SMC1B: variants seen among roughly 807,000 people sequenced by gnomAD.
SMC1B encodes the protein structural maintenance of chromosomes 1B, also known as structural maintenance of chromosomes protein 1B.
In SMC1B, 60 loss-of-function variants were observed where a neutral mutation model predicts 157.9. The ratio of observed to expected loss-of-function variants is 0.38; its 90% confidence interval spans 0.31 to 0.47. The LOEUF (loss-of-function observed/expected upper bound fraction) is 0.47. Ranked by LOEUF, SMC1B falls within the 20% of genes least tolerant of loss-of-function variation. The pLI is 0.99. For synonymous variants in SMC1B, 445 were observed against 483.0 expected (o/e 0.92, Z 1.03); for missense variants, 1,165 against 1,426.2 (o/e 0.82, Z 2.95).
intron 19 of SMC1B, among the ~76,000 whole-genome samples, chr22:45,357,833 G>A (rs1370515624): frequency 6.6e-6 from 1 of 152,198 alleles, no homozygotes; most frequent in East Asian, 1.9e-4. Flanking sequence ...GTAGGAGTGA[G>A]AGGGGCATCT....
intron 15 of SMC1B, among the ~76,000 whole-genome samples, chr22:45,367,226 G>A (rs1462060874): frequency 2.0e-5 from 3 of 152,076 alleles, no homozygotes; most frequent in Admixed American, 6.6e-5. Context: ...TGTCTGGCTT[G>A]TTTTTGTTTT....
At position 45,370,006 on chromosome 22, in the gene SMC1B, G is replaced by T; in HGVS notation, c.2368C>A (p.Arg790Ser). 1 of 1,595,730 alleles carries T rather than the reference G, an allele frequency of 6.3e-7. No homozygotes were observed. The highest frequency in any genetic ancestry group is 8.5e-7 in the Non-Finnish European group (1 of 1,171,188). The change falls in exon 15 of 25, where the codon CGT (arginine) becomes AGT (serine). Residue 790 changes from arginine to serine, a missense_variant. By Grantham distance (110) the Arg-to-Ser change is moderately radical. Coordinates refer to ENST00000357450, the MANE Select transcript of SMC1B (RefSeq NM_148674.5). ...FCEEIGVENI[R>S]EFENKHVKRQ... ...TTAACATGTTTGTTCTCAAATTCAC[G>T]AATATTTTCCACGCCAATTTCTTCA...
chr22:45,390,718 A>T (rs79740135), intron 9 of SMC1B, among the ~76,000 whole-genome samples: 1 of 151,832 alleles, frequency 6.6e-6, no homozygotes, highest in East Asian at 1.9e-4. Context: ...AAAAAAAAAA[A>T]AAGTCTAGGA....
In SMC1B at chr22:45,362,447, A is replaced by G. The variant is rs1190406409; in HGVS notation, c.2562+438T>C. ...GCTGCTCCACTGCTCTTCACTGCCT[A>G]CCTCCCTGCTAGGGAGTCTCAACCA... On this transcript the variant is annotated intron_variant, in intron 16 of 24. Coordinates refer to ENST00000357450, the MANE Select transcript of SMC1B (RefSeq NM_148674.5). 2.6e-5 allele frequency among the ~76,000 whole-genome samples: 4 copies of G among 151,908 alleles called. No homozygotes were observed. In the East Asian group the frequency reaches 7.7e-4, roughly 29 times the overall value.
At chr22:45,384,359 A>G (rs1386378126) in intron 11 of SMC1B, among the ~76,000 whole-genome samples, 2 of 152,140 alleles carry the variant, frequency 1.3e-5, no homozygotes, top group Admixed American at 6.5e-5. Flanking sequence ...ACTCTTTATT[A>G]GGTGAATTCA....
At position 45,371,578 on chromosome 22, in the gene SMC1B, G is replaced by T. The variant is rs1269742904; in HGVS notation, c.2206C>A (p.Gln736Lys). 4 of 1,583,926 alleles carry T rather than the reference G, an allele frequency of 2.5e-6. No homozygotes were observed. The highest frequency in any genetic ancestry group is 3.4e-6 in the Non-Finnish European group (4 of 1,169,578). ...HLVAFYQEQSQLQSELLNIES... is the reference protein window; with the variant it reads ...HLVAFYQEQSKLQSELLNIES... ...ATATTTAGTAGTTCACTTTGTAACT[G>T]AGATTGTTCCTAATAACAAAAGAGA... Residue 736 changes from glutamine (Q) to lysine (K), a missense_variant, in exon 14 of 25, where the codon CAG (glutamine) becomes AAG (lysine). By Grantham distance (53) the Gln-to-Lys change is moderately conservative. Coordinates refer to ENST00000357450, the MANE Select transcript of SMC1B (RefSeq NM_148674.5).
intron 12 of SMC1B, among the ~76,000 whole-genome samples, chr22:45,379,896 C>A (rs2086919635): frequency 6.6e-6 from 1 of 151,728 alleles, no homozygotes; most frequent in Non-Finnish European, 1.5e-5. Context: ...CCACGCCCAG[C>A]TAATTTTTGT....
intron 4 of SMC1B, among the ~76,000 whole-genome samples, chr22:45,405,649 G>C (rs534352075): frequency 6.6e-6 from 1 of 152,258 alleles, no homozygotes; most frequent in East Asian, 1.9e-4. Flanking sequence ...TACAACTGAA[G>C]ATAAGGTACT....
At position 45,344,245 on chromosome 22, in the gene SMC1B, A is replaced by C. The variant is rs3747239; in HGVS notation, c.*311T>G. ...CAAGATCAGAGTGAAGATGAAGCTG[A>C]ATTCAAAATTTTTCCAACCAAACTA... On this transcript the variant is annotated 3_prime_UTR_variant, in exon 25 of 25. Coordinates refer to ENST00000357450, the MANE Select transcript of SMC1B (RefSeq NM_148674.5). 0.46 allele frequency: 81,301 copies of C among 176,420 alleles called. 22,317 individuals carry two copies. The highest frequency in any genetic ancestry group is 0.8 in the African/African-American group (34,057 of 42,548). The allele number at this position is 176,420 out of a possible 1,614,324, so 10.9% of individuals were successfully genotyped here. A position where few individuals can be genotyped will look rare whatever the true frequency, so the allele number is the denominator to read the frequency against.
chr22:45,372,368 AT>A, intron 12 of SMC1B, 76 bp from the exon 13 acceptor site: 1 of 1,288,158 alleles, frequency 7.8e-7, no homozygotes, highest in Non-Finnish European at 1.1e-6. Context: ...TTCATATGTA[AT>A]AATTCACTGA....
intron 18 of SMC1B, 127 bp downstream of exon 18, chr22:45,359,678 T>C: frequency 2.1e-5 from 21 of 1,000,572 alleles, no homozygotes; most frequent in Non-Finnish European, 2.5e-5. Context: ...CATTTTGCCC[T>C]TTTTCCCTCC....
intron 2 of SMC1B, among the ~76,000 whole-genome samples, chr22:45,408,332 A>G (rs1429468844): frequency 2.0e-5 from 3 of 152,042 alleles, no homozygotes; most frequent in Non-Finnish European, 4.4e-5. Context: ...TCATCGTGTT[A>G]GCCAGGATGG....
At chr22:45,346,759 C>A (rs575559218) in intron 23 of SMC1B, among the ~76,000 whole-genome samples, 1 of 152,312 alleles carries the variant, frequency 6.6e-6, no homozygotes, top group African/African-American at 2.4e-5. Context: ...TGCGAAGATG[C>A]AGGGCATGCG....
At chr22:45,400,840 GAGA>G (rs2087184153) in intron 5 of SMC1B, among the ~76,000 whole-genome samples, 1 of 152,138 alleles carries the variant, frequency 6.6e-6, no homozygotes, top group Non-Finnish European at 1.5e-5. Flanking sequence ...AGAATATAAT[GAGA>G]AGGACATTTT....
rs368479826 is a variant in SMC1B at position 45,379,041 on chromosome 22, G to A, written c.2058+4426C>T. Reference sequence around the variant, plus strand: ...CTTGTTGCCCAGGCTGGAGTGAAGCGGCATGATCTTGGCTCACTGCAACCT... The same window carrying A: ...CTTGTTGCCCAGGCTGGAGTGAAGCAGCATGATCTTGGCTCACTGCAACCT... On this transcript the variant is annotated intron_variant, in intron 12 of 24. Coordinates refer to ENST00000357450, the MANE Select transcript of SMC1B (RefSeq NM_148674.5). Among the ~76,000 whole-genome samples the A allele has an allele frequency of 6.8e-4, 103 of 152,170 alleles. 1 individual carries two copies. The highest frequency in any genetic ancestry group is 2.3e-3 in the African/African-American group (96 of 41,512).
chr22:45,397,475 G>T (rs2087138496), intron 6 of SMC1B, among the ~76,000 whole-genome samples: 1 of 152,180 alleles, frequency 6.6e-6, no homozygotes, highest in Non-Finnish European at 1.5e-5. Flanking sequence ...ACAAATCCTA[G>T]ACAGACAGGG....
Position 45,345,556 on chromosome 22 carries a change from A to T in SMC1B, c.3509T>A (p.Ile1170Asn). 1 of 1,607,178 alleles carries T rather than the reference A, an allele frequency of 6.2e-7. No individual in the cohort carries two copies. The highest frequency in any genetic ancestry group is 8.5e-7 in the Non-Finnish European group (1 of 1,173,736). ...NTNIGKVSSY[I>N]KEQTQDQFQM... ...AAACTGGTCTTGAGTTTGCTCTTTG[A>T]TGTAACTTGACACCTGGAAGAAATA... The change falls in exon 24 of 25, where the codon ATC becomes AAC. Residue 1170 changes from isoleucine to asparagine, a missense_variant. Transcript: ENST00000357450.
intron 12 of SMC1B, among the ~76,000 whole-genome samples, chr22:45,378,109 C>A (rs1322748568): frequency 6.6e-6 from 1 of 152,018 alleles, no homozygotes; most frequent in Non-Finnish European, 1.5e-5. Context: ...CTTATATTTT[C>A]TTTCTTCTTT....
chr22:45,398,712 C>T (rs2146840662), intron 6 of SMC1B, among the ~76,000 whole-genome samples: 1 of 152,224 alleles, frequency 6.6e-6, no homozygotes, highest in South Asian at 2.1e-4. Flanking sequence ...GCCTGTAATC[C>T]CAGCTACTCA....
Sources: allele counts gnomAD v4.1 joint callset (sites outside exome capture counted in the v4.1 genomes callset), GRCh38; gene constraint gnomAD v4.1.1; transcripts MANE v1.5; gene names NCBI Gene and HGNC (gene_info 2026-07-23, HGNC 2026-07-21).